The following AGBL4 variants were observed in gnomAD, a reference collection of about 807,000 sequenced individuals.
AGBL4 encodes cytosolic carboxypeptidase 6.
AGBL4 carries 58 observed loss-of-function variants against 66.4 expected under a neutral mutation model. The observed-to-expected ratio is 0.87, with a 90% CI of 0.71 to 1.09. The LOEUF (loss-of-function observed/expected upper bound fraction) is 1.09. Ranked by LOEUF, AGBL4 falls within the 50% of genes least tolerant of loss-of-function variation. The pLI is 0.00. For missense variants in AGBL4, 579 were observed against 631.0 expected (o/e 0.92, Z 0.88); for synonymous variants, 234 against 222.9 (o/e 1.05, Z -0.44).
intron 9 of AGBL4, among the ~76,000 whole-genome samples, chr1:48,606,838 G>A (rs1645161097): frequency 6.6e-6 from 1 of 152,122 alleles, no homozygotes; most frequent in African/African-American, 2.4e-5. Context: ...ATAACAAGAG[G>A]AAACTATGCA....
At chr1:48,648,435 G>A (rs1645874382) in intron 8 of AGBL4, among the ~76,000 whole-genome samples, 1 of 152,218 alleles carries the variant, frequency 6.6e-6, no homozygotes, top group Non-Finnish European at 1.5e-5. Context: ...GATGGAAGGT[G>A]CCTTTCATCC....
At chr1:48,620,298 TCTCA>T (rs1240320495) in intron 9 of AGBL4, among the ~76,000 whole-genome samples, 1 of 151,730 alleles carries the variant, frequency 6.6e-6, no homozygotes, top group African/African-American at 2.4e-5. Flanking sequence ...AGAGACAGGG[TCTCA>T]CTCTGTCTCC....
intron 2 of AGBL4, among the ~76,000 whole-genome samples, chr1:49,847,652 G>C (rs1273406156): frequency 6.7e-6 from 1 of 150,318 alleles, no homozygotes; most frequent in Non-Finnish European, 1.5e-5. Flanking sequence ...AATAAGCAAA[G>C]GACATGAATA....
At chr1:48,681,325 C>T (rs952961408) in intron 6 of AGBL4, among the ~76,000 whole-genome samples, 2 of 152,208 alleles carry the variant, frequency 1.3e-5, no homozygotes, top group African/African-American at 2.4e-5. Flanking sequence ...CATGTGAATC[C>T]TGCCCTTGTA....
At chr1:49,293,518 A>G (rs1431535297) in intron 3 of AGBL4, among the ~76,000 whole-genome samples, 1 of 152,220 alleles carries the variant, frequency 6.6e-6, no homozygotes, top group Non-Finnish European at 1.5e-5. Context: ...ATTTTACTGT[A>G]TATATGGTAG....
chr1:49,738,470 C>T (rs190620858), intron 2 of AGBL4, among the ~76,000 whole-genome samples: 2 of 152,288 alleles, frequency 1.3e-5, no homozygotes, highest in Admixed American at 1.3e-4. Context: ...GTAGACTACA[C>T]CTCTGGGGGC....
At chr1:49,597,710 T>C (rs1644877439) in intron 3 of AGBL4, among the ~76,000 whole-genome samples, 1 of 152,198 alleles carries the variant, frequency 6.6e-6, no homozygotes, top group Non-Finnish European at 1.5e-5. Context: ...CAAGAGGCAA[T>C]TATAAAAGTC....
intron 4 of AGBL4, among the ~76,000 whole-genome samples, chr1:49,046,068 C>T (rs1016901350): frequency 6.6e-6 from 1 of 152,174 alleles, no homozygotes; most frequent in Admixed American, 6.5e-5. Flanking sequence ...ACTTGTTTAT[C>T]CTTATTTTGA....
chr1:49,296,566 C>G (rs1035446395), intron 3 of AGBL4, among the ~76,000 whole-genome samples: 2 of 152,142 alleles, frequency 1.3e-5, no homozygotes, highest in Admixed American at 6.5e-5. Flanking sequence ...TCTAATAGTT[C>G]TGACAGTCTG....
chr1:49,657,109 C>G (rs1387467427), intron 3 of AGBL4, among the ~76,000 whole-genome samples: 3 of 152,168 alleles, frequency 2.0e-5, no homozygotes, highest in African/African-American at 7.2e-5. Flanking sequence ...TAGAAAACCC[C>G]ATCGTCTCAG....
At chr1:48,841,638 A>G (rs1646805637) in intron 6 of AGBL4, among the ~76,000 whole-genome samples, 1 of 151,976 alleles carries the variant, frequency 6.6e-6, no homozygotes, top group African/African-American at 2.4e-5. Flanking sequence ...ACAGAACACT[A>G]TGGTAATACC....
chr1:49,749,832 T>C (rs891664457), intron 2 of AGBL4, among the ~76,000 whole-genome samples: 1 of 152,152 alleles, frequency 6.6e-6, no homozygotes, highest in Non-Finnish European at 1.5e-5. Context: ...GGAAGCCTTT[T>C]CGTAGACATT....
intron 6 of AGBL4, among the ~76,000 whole-genome samples, chr1:48,776,179 C>G (rs552973457): frequency 6.6e-6 from 1 of 152,134 alleles, no homozygotes; most frequent in Admixed American, 6.5e-5. Flanking sequence ...GGGAGAGAGA[C>G]AGACAGCTTG....
rs147693083 is a variant in AGBL4 at position 49,593,200 on chromosome 1, T to C, written c.282+104113A>G. On this transcript the variant is annotated intron_variant, in intron 3 of 13. Coordinates refer to ENST00000371839, the MANE Select transcript of AGBL4 (RefSeq NM_032785.4). ...AAGGCGGGTGGATCACGAGGTCAGA[T>C]TGAGACCATCCTGGCTAACACGGTG... is the stretch of plus-strand genomic sequence containing the variant. Among the ~76,000 whole-genome samples, 41 of 152,206 alleles carry C rather than the reference T, an allele frequency of 2.7e-4. 1 individual carries two copies. The highest frequency in any genetic ancestry group is 9.6e-4 in the African/African-American group (40 of 41,522).
At position 49,530,268 on chromosome 1, in the gene AGBL4, AAAAAC is replaced by A. The variant is rs1172662553; in HGVS notation, c.282+167040_282+167044del. Among the ~76,000 whole-genome samples, 17 of 142,682 alleles carry A rather than the reference AAAAAC, an allele frequency of 1.2e-4. 3 individuals are homozygous for A. The highest frequency in any genetic ancestry group is 3.2e-4 in the African/African-American group (12 of 37,614). The allele number at this position is 142,682 out of a possible 152,430, so 93.6% of individuals were successfully genotyped here. A position where few individuals can be genotyped will look rare whatever the true frequency, so the allele number is the denominator to read the frequency against. On this transcript the variant is annotated intron_variant, in intron 3 of 13. Transcript: ENST00000371839. ...TTTCAAGTAGAATTTGTAAAAAAAAAAAAACAAAAAAAAACTCTATGAGTTTTTTT... is the reference window on the plus strand; with the variant it reads ...TTTCAAGTAGAATTTGTAAAAAAAAAAAAAAAAAACTCTATGAGTTTTTTT...
Position 49,554,557 on chromosome 1 carries a change from T to A in AGBL4, c.282+142756A>T, listed in dbSNP as rs1653246738. ...AAGACACTCCAGATACCAAGTGTTT[T>A]TAATAACAATGTATTTTTAAGAAAA... On this transcript the variant is annotated intron_variant, in intron 3 of 13. Transcript: ENST00000371839. Among the ~76,000 whole-genome samples, 4 of 152,214 alleles carry A rather than the reference T, an allele frequency of 2.6e-5. No individual in the cohort carries two copies. In the South Asian group the frequency reaches 8.3e-4, roughly 32 times the overall value.
At chr1:49,651,424 C>T (rs1646002168) in intron 3 of AGBL4, among the ~76,000 whole-genome samples, 1 of 152,170 alleles carries the variant, frequency 6.6e-6, no homozygotes, top group African/African-American at 2.4e-5. Flanking sequence ...CTTAACTGCC[C>T]CACCATGTAA....
chr1:50,000,560 C>A (rs1388180624), intron 1 of AGBL4, among the ~76,000 whole-genome samples: 1 of 152,124 alleles, frequency 6.6e-6, no homozygotes, highest in Non-Finnish European at 1.5e-5. Flanking sequence ...ATCCAGCAAT[C>A]CCACTAGTGG....
intron 3 of AGBL4, among the ~76,000 whole-genome samples, chr1:49,401,372 G>T (rs1174469823): frequency 6.6e-6 from 1 of 152,156 alleles, no homozygotes; most frequent in East Asian, 1.9e-4. Flanking sequence ...CAGAATTCAA[G>T]ATGAGATTTG....
Sources: gnomAD v4.1 joint callset for allele counts (sites outside exome capture counted in the v4.1 genomes callset) on GRCh38, gnomAD v4.1.1 for gene constraint, MANE v1.5 for transcripts, NCBI Gene and HGNC (gene_info 2026-07-23, HGNC 2026-07-21) for gene names.